The following EIF1AD variants were observed in gnomAD, a reference collection of about 807,000 sequenced individuals.
EIF1AD encodes the protein probable RNA-binding protein EIF1AD.
A neutral mutation model predicts 21.7 loss-of-function variants in EIF1AD; 9 were observed. The observed-to-expected ratio is 0.41, with a 90% CI of 0.25 to 0.72. The LOEUF is 0.72. EIF1AD is among the 30% of genes least tolerant of loss of function. The pLI is 0.29. For synonymous variants in EIF1AD, 78 were observed against 70.9 expected (o/e 1.10, Z -0.50); for missense variants, 164 against 199.7 (o/e 0.82, Z 1.08).
chr11:65,999,298 A>G, intron 5 of EIF1AD, 52 bp downstream of exon 5: 1 of 1,613,068 alleles, frequency 6.2e-7, no homozygotes, highest in Non-Finnish European at 8.5e-7. Context: ...CAAGGCACCA[A>G]AGCATGAACC....
rs2276017 is a variant in EIF1AD, at chr11:65,998,621, C to T, written c.476G>A (p.Ser159Asn). Residue 159 changes from serine to asparagine, a missense_variant, in exon 6 of 6, where the codon AGT (serine) becomes AAT (asparagine). Physicochemically the swap from Ser to Asn is conservative, Grantham distance 46 (BLOSUM62 1). Coordinates refer to ENST00000533544, the MANE Select transcript of EIF1AD (RefSeq NM_001242481.2). ...RRQYHESEEE[S>N]EEEEAA ...GTCTCAGGCTGCCTCCTCCTCTTCA[C>T]TCTCCTCCTCACTCTCATGATACTG... is the stretch of plus-strand genomic sequence containing the variant. 0.031 allele frequency: 49,375 copies of T among 1,613,976 alleles called. 1,312 individuals are homozygous for T. Among genetic ancestry groups the T allele is most frequent in the East Asian group, 0.15 (6,855 of 44,876 alleles).
At chr11:65,998,924 G>A (rs1197469056) in intron 5 of EIF1AD, among the ~76,000 whole-genome samples, 181 bp from the exon 6 acceptor site, 4 of 152,134 alleles carry the variant, frequency 2.6e-5, no homozygotes, top group Non-Finnish European at 5.9e-5. Context: ...AAAGAAACAG[G>A]CTAAAGACTG....
At chr11:65,999,503 T>C (rs1201661425) in intron 4 of EIF1AD, 64 bp downstream of exon 4, 1 of 1,597,440 alleles carries the variant, frequency 6.3e-7, no homozygotes. Flanking sequence ...CCTCCCCTAA[T>C]TCCCAAGCTA....
At position 66,000,521 on chromosome 11, in the gene EIF1AD, G is replaced by A; in HGVS notation, c.-116-16C>T. On this transcript the variant is annotated splice_polypyrimidine_tract_variant and intron_variant, in intron 1 of 5. Coordinates refer to ENST00000533544, the MANE Select transcript of EIF1AD (RefSeq NM_001242481.2). ...GGGCCTTTTACTGAGGGGTGACACG[G>A]TGTCTTGGTTAAGAACATGGGTTCT... The A allele has an allele frequency of 1.2e-6, 1 of 812,938 alleles. No homozygotes were observed. Among genetic ancestry groups the A allele is most frequent in the Non-Finnish European group, 2.0e-6 (1 of 504,806 alleles). The allele number at this position is 812,938 out of a possible 1,614,324, so 50.4% of individuals were successfully genotyped here. A position where few individuals can be genotyped will look rare whatever the true frequency, so the allele number is the denominator to read the frequency against.
At position 65,998,419 on chromosome 11, in the gene EIF1AD, A is replaced by C; in HGVS notation, c.*180T>G. ...CCTCCCCCGAGAGAGCCACTCAGAC[A>C]CCAGAACAAGTCACCAACCCACCAG... On this transcript the variant is annotated 3_prime_UTR_variant, in exon 6 of 6. Transcript: ENST00000533544. 5 of 661,136 alleles carry C rather than the reference A, an allele frequency of 7.6e-6. No homozygotes were observed. The highest frequency in any genetic ancestry group is 1.2e-5 in the Non-Finnish European group (5 of 420,104). The allele number at this position is 661,136 out of a possible 1,614,324, so 41.0% of individuals were successfully genotyped here. A position where few individuals can be genotyped will look rare whatever the true frequency, so the allele number is the denominator to read the frequency against.
intron 3 of EIF1AD, 106 bp from the exon 4 acceptor site, chr11:65,999,781 C>G (rs1290804936): frequency 2.5e-6 from 2 of 792,882 alleles, no homozygotes; most frequent in Admixed American, 2.5e-5. Context: ...TCTCTCACCT[C>G]TCTCTTTTTT....
In EIF1AD at chr11:65,998,505, A is replaced by G; in HGVS notation, c.*94T>C. On this transcript the variant is annotated 3_prime_UTR_variant, in exon 6 of 6. Transcript: ENST00000533544. ...GAGGAGCCCTGCTTTGTCCTCATGC[A>G]GGGGTGAAGATGTGCAGAGCACCCT... 1 of 1,465,768 alleles carries G rather than the reference A, an allele frequency of 6.8e-7. No individual in the cohort carries two copies. The highest frequency in any genetic ancestry group is 9.2e-7 in the Non-Finnish European group (1 of 1,081,104). 90.8% of individuals were successfully genotyped at this position (1,465,768 alleles called of 1,614,324 possible).
chr11:66,000,481 T>C lies in EIF1AD; in HGVS notation c.-92A>G, dbSNP rs1590663248. On this transcript the variant is annotated 5_prime_UTR_variant, in exon 2 of 6. Coordinates refer to ENST00000533544, the MANE Select transcript of EIF1AD (RefSeq NM_001242481.2). The stretch of plus-strand genomic sequence containing the variant: ...TGGCAGGCTCAGAACCCAGGACTGT[T>C]CTGAAGATGGGGAGGGGCCTTTTAC... 1 of 1,318,828 alleles carries C rather than the reference T, an allele frequency of 7.6e-7. No individual in the cohort carries two copies. Among genetic ancestry groups the C allele is most frequent in the East Asian group, 2.5e-5 (1 of 39,754 alleles). 81.7% of individuals were successfully genotyped at this position (1,318,828 alleles called of 1,614,324 possible).
At position 65,997,998 on chromosome 11, in the gene EIF1AD, G is replaced by C. The variant is rs1463551509; in HGVS notation, c.*601C>G. On this transcript the variant is annotated 3_prime_UTR_variant, in exon 6 of 6. Transcript: ENST00000533544. Reference sequence around the variant, plus strand: ...CCTTCTGGAAGTGATAGATGGTGCAGAGTGGGAGAGATGAGGTCGTATGTG... The same window carrying C: ...CCTTCTGGAAGTGATAGATGGTGCACAGTGGGAGAGATGAGGTCGTATGTG... 6.6e-6 allele frequency: 1 copy of C among 152,640 alleles called. No individual in the cohort carries two copies. Among genetic ancestry groups the C allele is most frequent in the Non-Finnish European group, 1.5e-5 (1 of 68,360 alleles). The allele number at this position is 152,640 out of a possible 1,614,324, so 9.5% of individuals were successfully genotyped here.
chr11:65,999,273 G>A (rs1359091186), intron 5 of EIF1AD, 77 bp downstream of exon 5: 3 of 1,579,752 alleles, frequency 1.9e-6, no homozygotes, highest in East Asian at 4.5e-5. Flanking sequence ...AGGAAAGAAG[G>A]CTCTATTTTT....
intron 5 of EIF1AD, 27 bp from the exon 6 acceptor site, chr11:65,998,770 AGCCCAGC>A (rs764446658): frequency 6.2e-7 from 1 of 1,602,042 alleles, no homozygotes; most frequent in Non-Finnish European, 8.5e-7. Flanking sequence ...GAGCAGGGTT[AGCCCAGC>A]GCCTTCTGGG....
At chr11:66,001,516 T>C (rs193071457) in intron 1 of EIF1AD, among the ~76,000 whole-genome samples, 110 of 149,232 alleles carry the variant, frequency 7.4e-4, no homozygotes, top group Non-Finnish European at 1.9e-4. Flanking sequence ...TCTTAAGTAC[T>C]AGTGTAATAT....
In EIF1AD at chr11:65,998,505, AG is replaced by A. The variant is rs1855811708; in HGVS notation, c.*93del. 4 of 1,465,768 alleles carry A rather than the reference AG, an allele frequency of 2.7e-6. No individual in the cohort carries two copies. Among genetic ancestry groups the A allele is most frequent in the Non-Finnish European group, 3.7e-6 (4 of 1,081,104 alleles). The allele number at this position is 1,465,768 out of a possible 1,614,324, so 90.8% of individuals were successfully genotyped here. A position where few individuals can be genotyped will look rare whatever the true frequency, so the allele number is the denominator to read the frequency against. The stretch of plus-strand genomic sequence containing the variant: ...GAGGAGCCCTGCTTTGTCCTCATGC[AG>A]GGGTGAAGATGTGCAGAGCACCCTG... On this transcript the variant is annotated 3_prime_UTR_variant, in exon 6 of 6. Coordinates refer to ENST00000533544, the MANE Select transcript of EIF1AD (RefSeq NM_001242481.2).
chr11:65,998,907 C>T (rs891757793), intron 5 of EIF1AD, among the ~76,000 whole-genome samples, 164 bp from the exon 6 acceptor site: 1 of 152,138 alleles, frequency 6.6e-6, no homozygotes, highest in African/African-American at 2.4e-5. Flanking sequence ...AGTGGGGAAA[C>T]GTGGCCAAAG....
intron 5 of EIF1AD, among the ~76,000 whole-genome samples, chr11:65,998,979 AAAT>A (rs1201328604): frequency 1.3e-5 from 2 of 152,192 alleles, no homozygotes; most frequent in Admixed American, 6.5e-5. Context: ...TTTTAGTTAG[AAAT>A]AATGATTCTA....
chr11:65,998,853 C>T (rs1330866465), intron 5 of EIF1AD, 110 bp from the exon 6 acceptor site: 25 of 1,238,306 alleles, frequency 2.0e-5, no homozygotes, highest in East Asian at 1.4e-4. Context: ...CAGGGCCCTA[C>T]AGCACCCTTT....
intron 1 of EIF1AD, among the ~76,000 whole-genome samples, chr11:66,001,507 C>T (rs1463571389): frequency 6.8e-6 from 1 of 147,742 alleles, no homozygotes; most frequent in African/African-American, 2.5e-5. Flanking sequence ...CTCCTATAAT[C>T]TTAAGTACTA....
rs996915341 is a variant in EIF1AD at position 65,997,695 on chromosome 11, G to C, written c.*904C>G. On this transcript the variant is annotated 3_prime_UTR_variant, in exon 6 of 6. Transcript: ENST00000533544. ...AGAGGTGAATGATTGGGTTTACCCA[G>C]GGTTAGGGTTTTACTAGCGGAACAG... The C allele has an allele frequency of 6.6e-6, 1 of 152,266 alleles. No homozygotes were observed. Among genetic ancestry groups the C allele is most frequent in the African/African-American group, 2.4e-5 (1 of 41,434 alleles). The allele number at this position is 152,266 out of a possible 1,614,324, so 9.4% of individuals were successfully genotyped here. A position where few individuals can be genotyped will look rare whatever the true frequency, so the allele number is the denominator to read the frequency against.
intron 1 of EIF1AD, among the ~76,000 whole-genome samples, chr11:66,000,972 T>A (rs1350394029): frequency 6.6e-6 from 1 of 152,324 alleles, no homozygotes; most frequent in Admixed American, 6.5e-5. Context: ...TGATCTATTA[T>A]GACTTTTTCA....
Sources: gnomAD v4.1 joint callset for allele counts (sites outside exome capture counted in the v4.1 genomes callset) on GRCh38, gnomAD v4.1.1 for gene constraint, MANE v1.5 for transcripts, NCBI Gene and HGNC (gene_info 2026-07-23, HGNC 2026-07-21) for gene names.